The following WDFY4 variants were observed in gnomAD, a reference collection of about 807,000 sequenced individuals.
The protein encoded by WDFY4 is WDFY family member 4, also known as WD repeat- and FYVE domain-containing protein 4.
Under a neutral mutation model 351.9 loss-of-function variants are expected in WDFY4, and 169 were observed. The ratio of observed to expected loss-of-function variants is 0.48; its 90% CI spans 0.42 to 0.55. The LOEUF (loss-of-function observed/expected upper bound fraction) is 0.55. Ranked by LOEUF, WDFY4 falls within the 20% of genes least tolerant of loss-of-function variation. WDFY4 has a pLI of 0.00. For synonymous variants in WDFY4, 1,622 were observed against 1,574.6 expected (o/e 1.03, Z -0.71); for missense variants, 3,803 against 3,935.6 (o/e 0.97, Z 0.90).
chr10:48,973,852 G>A (rs1324460330), intron 57 of WDFY4, among the ~76,000 whole-genome samples: 1 of 152,222 alleles, frequency 6.6e-6, no homozygotes, highest in African/African-American at 2.4e-5. Context: ...AGCCAAACCT[G>A]AGGACCAAGA....
intron 7 of WDFY4, 58 bp from the exon 8 acceptor site, chr10:48,729,374 A>T: frequency 6.5e-7 from 1 of 1,538,182 alleles, no homozygotes; most frequent in Non-Finnish European, 8.8e-7. Context: ...AGCACCATGC[A>T]CGCATGTGGC....
At chr10:48,934,648 C>G (rs1840240527) in intron 47 of WDFY4, among the ~76,000 whole-genome samples, 1 of 152,242 alleles carries the variant, frequency 6.6e-6, no homozygotes, top group Admixed American at 6.5e-5. Context: ...CACCAGACTT[C>G]TTAAAACATG....
At chr10:48,701,091 C>A (rs994055635) in intron 1 of WDFY4, among the ~76,000 whole-genome samples, 6 of 152,212 alleles carry the variant, frequency 3.9e-5, no homozygotes, top group African/African-American at 1.4e-4. Context: ...CCATGCACCC[C>A]TCTCCCCAGT....
At chr10:48,712,465 A>G (rs2063792812) in intron 2 of WDFY4, among the ~76,000 whole-genome samples, 1 of 152,228 alleles carries the variant, frequency 6.6e-6, no homozygotes, top group South Asian at 2.1e-4. Flanking sequence ...AACCCTGCAG[A>G]GGCAGAATAT....
chr10:48,730,718 G>A lies in WDFY4; in HGVS notation c.1130-392G>A, dbSNP rs186289201. Among the ~76,000 whole-genome samples the A allele has an allele frequency of 2.8e-3, 425 of 152,278 alleles. 1 individual carries two copies. The highest frequency in any genetic ancestry group is 5.0e-3 in the Non-Finnish European group (343 of 68,012). ...TGTAAATTTTAACTTTAAATAAGAA[G>A]AAACAAGTTAAATTATTTTTGATAA... On this transcript the variant is annotated intron_variant, in intron 8 of 61. Transcript: ENST00000325239.
intron 23 of WDFY4, among the ~76,000 whole-genome samples, chr10:48,794,111 C>T (rs1311854904): frequency 6.6e-6 from 1 of 152,126 alleles, no homozygotes; most frequent in South Asian, 2.1e-4. Context: ...ATAGCCTTAC[C>T]ACTGTGGGGA....
rs928302497 is a variant in WDFY4, at chr10:48,969,243, G to A, written c.8764G>A (p.Asp2922Asn). The change falls in exon 56 of 62, where the codon GAC becomes AAC. Residue 2922 changes from aspartate (D) to asparagine (N), a missense_variant. Around this residue, in one of 3 missense-constraint regions of WDFY4, gnomAD observed 3,054 missense variants for 3,148.6 expected, o/e 0.97. Transcript: ENST00000325239. ...CTGCTGCTTGGGGAGCTACGGCTCCGACAAGGTGAGGGGGCTGCAGGGAGC... is the reference window on the plus strand; with the variant it reads ...CTGCTGCTTGGGGAGCTACGGCTCCAACAAGGTGAGGGGGCTGCAGGGAGC... The part of the protein sequence containing the change: ...FSCCLGSYGS[D>N]KVLMTFENLA... 21 of 1,551,082 alleles carry A rather than the reference G, an allele frequency of 1.4e-5. No individual in the cohort carries two copies. Among genetic ancestry groups the A allele is most frequent in the African/African-American group, 2.7e-5 (2 of 73,032 alleles).
chr10:48,959,667 A>T, intron 52 of WDFY4, 55 bp from the exon 53 acceptor site: 1 of 1,488,506 alleles, frequency 6.7e-7, no homozygotes, highest in Non-Finnish European at 9.2e-7. Context: ...TACATCCCCC[A>T]GTTCCTAGCC....
chr10:48,693,872 G>A (rs2063261149), intron 1 of WDFY4, among the ~76,000 whole-genome samples: 2 of 152,190 alleles, frequency 1.3e-5, no homozygotes, highest in African/African-American at 2.4e-5. Context: ...GCCTGGCACA[G>A]GAGAGGACAG....
At chr10:48,868,253 T>C (rs1476208093) in intron 40 of WDFY4, among the ~76,000 whole-genome samples, 1 of 152,204 alleles carries the variant, frequency 6.6e-6, no homozygotes, top group Non-Finnish European at 1.5e-5. Flanking sequence ...AACACACAGC[T>C]TAGCAACATA....
chr10:48,749,300 C>T (rs1001370664), intron 12 of WDFY4, among the ~76,000 whole-genome samples: 5 of 152,050 alleles, frequency 3.3e-5, no homozygotes, highest in African/African-American at 1.2e-4. Context: ...CACCCCTACA[C>T]CAAACACACT....
intron 47 of WDFY4, among the ~76,000 whole-genome samples, chr10:48,931,363 TGA>T (rs1346773023): frequency 1.3e-5 from 2 of 152,152 alleles, no homozygotes; most frequent in East Asian, 3.9e-4. Flanking sequence ...AGGTGGCCAC[TGA>T]GAGTGGGGGA....
At chr10:48,777,629 T>A in intron 17 of WDFY4, 134 bp downstream of exon 17, 1 of 864,720 alleles carries the variant, frequency 1.2e-6, no homozygotes, top group Non-Finnish European at 1.8e-6. Flanking sequence ...CTCACACCTG[T>A]AATACTGCAA....
chr10:48,838,404 C>G (rs1039406572), intron 39 of WDFY4, among the ~76,000 whole-genome samples: 1 of 152,130 alleles, frequency 6.6e-6, no homozygotes, highest in Non-Finnish European at 1.5e-5. Context: ...CTGCCGTCAC[C>G]CACCCTAGCA....
intron 47 of WDFY4, among the ~76,000 whole-genome samples, chr10:48,921,757 C>A (rs1320408003): frequency 6.6e-6 from 1 of 151,538 alleles, no homozygotes; most frequent in Non-Finnish European, 1.5e-5. Context: ...TTTTTAATGT[C>A]CAGAATATTT....
chr10:48,800,714 C>CTTTA, intron 24 of WDFY4, among the ~76,000 whole-genome samples: 1 of 132,814 alleles, frequency 7.5e-6, no homozygotes, highest in African/African-American at 3.1e-5. Context: ...TTCTTTCTTT[C>CTTTA]TTTCTTTCAT....
intron 14 of WDFY4, among the ~76,000 whole-genome samples, chr10:48,774,987 G>A (rs1023442200): frequency 2.0e-5 from 3 of 152,174 alleles, no homozygotes; most frequent in African/African-American, 7.2e-5. Flanking sequence ...GGAAGGCTCT[G>A]CCGGGAGGGG....
chr10:48,764,718 C>T (rs1259710268), intron 13 of WDFY4, among the ~76,000 whole-genome samples: 1 of 152,218 alleles, frequency 6.6e-6, no homozygotes, highest in Non-Finnish European at 1.5e-5. Flanking sequence ...GTGTAGCTGC[C>T]CATGTGATAT....
At chr10:48,731,977 C>A (rs2064476289) in intron 9 of WDFY4, among the ~76,000 whole-genome samples, 1 of 152,174 alleles carries the variant, frequency 6.6e-6, no homozygotes, top group Non-Finnish European at 1.5e-5. Context: ...GCTCAGTGGT[C>A]TCCCACTGGG....
Sources: allele counts gnomAD v4.1 joint callset (sites outside exome capture counted in the v4.1 genomes callset), GRCh38; gene constraint gnomAD v4.1.1; regional missense constraint gnomAD v4.1.1; transcripts MANE v1.5; gene names NCBI Gene and HGNC (gene_info 2026-07-23, HGNC 2026-07-21).